Variants in HIBADH observed in about 807,000 individuals in gnomAD.
HIBADH encodes 3-hydroxyisobutyrate dehydrogenase, also known as 3-hydroxyisobutyrate dehydrogenase, mitochondrial.
Under a neutral mutation model 36.1 loss-of-function variants are expected in HIBADH, and 25 were observed. That is an observed-to-expected ratio of 0.69 (90% CI 0.50 to 0.97). The LOEUF (loss-of-function observed/expected upper bound fraction) is 0.97. HIBADH is among the 50% of genes least tolerant of loss of function. The pLI is 0.00. For missense variants in HIBADH, 421 were observed against 418.0 expected (o/e 1.01, Z -0.06); for synonymous variants, 160 against 149.5 (o/e 1.07, Z -0.51).
At chr7:27,602,275 G>A (rs1388483025) in intron 4 of HIBADH, among the ~76,000 whole-genome samples, 1 of 151,932 alleles carries the variant, frequency 6.6e-6, no homozygotes, top group Non-Finnish European at 1.5e-5. Context: ...CACACAAAAG[G>A]TACTTAATTA....
chr7:27,543,229 A>G lies in HIBADH; in HGVS notation c.485-129T>C, dbSNP rs530335121. 61 of 869,440 alleles carry G rather than the reference A, an allele frequency of 7.0e-5. 1 individual carries two copies. The highest frequency in any genetic ancestry group is 5.0e-4 in the Middle Eastern group (2 of 3,970). 53.9% of individuals were successfully genotyped at this position (869,440 alleles called of 1,614,324 possible). ...CAATCTGTATTTATGCCAGGCATGT[A>G]TAAGATACTCTAAATCTCTACAGAA... On this transcript the variant is annotated intron_variant, in intron 4 of 7. Coordinates refer to ENST00000265395, the MANE Select transcript of HIBADH (RefSeq NM_152740.4).
intron 4 of HIBADH, among the ~76,000 whole-genome samples, chr7:27,583,847 C>A (rs1160256055): frequency 6.6e-6 from 1 of 151,928 alleles, no homozygotes; most frequent in African/African-American, 2.4e-5. Flanking sequence ...AAAAACATTT[C>A]TCAATTGACT....
intron 2 of HIBADH, among the ~76,000 whole-genome samples, chr7:27,648,667 G>A (rs2160125): frequency 0.79 from 120,481 of 152,074 alleles, 48,086 homozygotes; most frequent in East Asian, 0.97. Context: ...AACTATATTC[G>A]GATACTGATA....
chr7:27,547,947 T>C (rs1410377229), intron 4 of HIBADH, among the ~76,000 whole-genome samples: 1 of 152,164 alleles, frequency 6.6e-6, no homozygotes, highest in Admixed American at 6.5e-5. Flanking sequence ...TTTCTAACAC[T>C]TTCCTGTGAT....
At chr7:27,657,570 C>T (rs1425155090) in intron 1 of HIBADH, among the ~76,000 whole-genome samples, 1 of 151,960 alleles carries the variant, frequency 6.6e-6, no homozygotes, top group Non-Finnish European at 1.5e-5. Context: ...AAGTTAAGAA[C>T]AATGAGGCCA....
At chr7:27,557,658 T>C (rs1410004386) in intron 4 of HIBADH, among the ~76,000 whole-genome samples, 1 of 152,282 alleles carries the variant, frequency 6.6e-6, no homozygotes, top group East Asian at 1.9e-4. Flanking sequence ...TGTCTTCACA[T>C]GGCAGAAGAC....
chr7:27,582,438 C>A (rs1018272762), intron 4 of HIBADH, among the ~76,000 whole-genome samples: 1 of 152,098 alleles, frequency 6.6e-6, no homozygotes, highest in African/African-American at 2.4e-5. Context: ...ACAAAACTCA[C>A]ATGACTCCAA....
intron 4 of HIBADH, among the ~76,000 whole-genome samples, chr7:27,574,505 T>C (rs552767383): frequency 1.7e-5 from 2 of 119,830 alleles, no homozygotes; most frequent in African/African-American, 5.9e-5. Context: ...AACAGGTAAC[T>C]CTTTACCTTT....
intron 2 of HIBADH, among the ~76,000 whole-genome samples, chr7:27,638,319 A>C (rs1165202060): frequency 1.3e-5 from 2 of 148,732 alleles, no homozygotes; most frequent in Non-Finnish European, 3.0e-5. Flanking sequence ...AAAAAAAAAA[A>C]AAAAAAAAAA....
intron 6 of HIBADH, among the ~76,000 whole-genome samples, chr7:27,532,972 C>A (rs1784023489): frequency 6.6e-6 from 1 of 152,110 alleles, no homozygotes; most frequent in Non-Finnish European, 1.5e-5. Context: ...CTGCAAAGTA[C>A]CAAATGTTCA....
intron 4 of HIBADH, among the ~76,000 whole-genome samples, chr7:27,617,086 C>CACCACTCACTCACT (rs70994669): frequency 6.6e-6 from 1 of 151,774 alleles, no homozygotes; most frequent in Non-Finnish European, 1.5e-5. Context: ...ATTCACTCAC[C>CACCACTCACTCACT]GACTCATCCA....
chr7:27,537,010 A>G (rs1033840697), intron 6 of HIBADH, among the ~76,000 whole-genome samples: 6 of 152,212 alleles, frequency 3.9e-5, no homozygotes, highest in Non-Finnish European at 5.9e-5. Flanking sequence ...CCAGAAATGT[A>G]CATTTTCCTC....
At chr7:27,551,734 AATACTGT>A (rs1784322366) in intron 4 of HIBADH, among the ~76,000 whole-genome samples, 1 of 152,222 alleles carries the variant, frequency 6.6e-6, no homozygotes, top group Non-Finnish European at 1.5e-5. Flanking sequence ...ATTTGTCTTT[AATACTGT>A]AAAAACATTG....
intron 4 of HIBADH, 93 bp from the exon 5 acceptor site, chr7:27,543,193 C>A: frequency 7.8e-7 from 1 of 1,274,202 alleles, no homozygotes; most frequent in Non-Finnish European, 1.1e-6. Context: ...CAACTAAAAA[C>A]ATCCTGCCTC....
chr7:27,628,937 C>G (rs1785696776), intron 4 of HIBADH, among the ~76,000 whole-genome samples: 2 of 152,080 alleles, frequency 1.3e-5, no homozygotes, highest in Admixed American at 6.6e-5. Context: ...TTTAGATGAT[C>G]TGCTCCTTGA....
chr7:27,607,566 G>C (rs1330600516), intron 4 of HIBADH, among the ~76,000 whole-genome samples: 2 of 152,116 alleles, frequency 1.3e-5, no homozygotes, highest in African/African-American at 4.8e-5. Context: ...TCAGAATTAT[G>C]TCGCTGCTCT....
intron 2 of HIBADH, among the ~76,000 whole-genome samples, chr7:27,642,780 T>A (rs1335290657): frequency 6.6e-6 from 1 of 150,740 alleles, no homozygotes; most frequent in African/African-American, 2.4e-5. Flanking sequence ...GCCTCCCAAG[T>A]AGCTGGGACT....
chr7:27,624,504 A>G (rs1229721307), intron 4 of HIBADH, among the ~76,000 whole-genome samples: 1 of 152,226 alleles, frequency 6.6e-6, no homozygotes, highest in African/African-American at 2.4e-5. Flanking sequence ...ACTGCTACAT[A>G]TAACACCCAC....
chr7:27,594,345 A>G (rs1203675328), intron 4 of HIBADH, among the ~76,000 whole-genome samples: 6 of 151,820 alleles, frequency 4.0e-5, no homozygotes, highest in Non-Finnish European at 8.8e-5. Flanking sequence ...GTTTCACCAC[A>G]TTGGTCAGGC....
Sources: gnomAD v4.1 joint callset for allele counts (sites outside exome capture counted in the v4.1 genomes callset) on GRCh38, gnomAD v4.1.1 for gene constraint, MANE v1.5 for transcripts, NCBI Gene and HGNC (gene_info 2026-07-23, HGNC 2026-07-21) for gene names.